The following OXR1 variants were observed in gnomAD, a reference collection of about 807,000 sequenced individuals.
OXR1 encodes oxidation resistance 1.
A neutral mutation model predicts 104.6 loss-of-function variants in OXR1; 41 were observed. The observed-to-expected ratio is 0.39, with a 90% CI of 0.31 to 0.51. OXR1 has a LOEUF of 0.51. OXR1 is among the 20% of genes least tolerant of loss of function. The pLI, the probability that OXR1 is intolerant of heterozygous loss-of-function variation, is 0.77. For missense variants in OXR1, 955 were observed against 1,031.9 expected, an observed-to-expected ratio of 0.93 and a Z score of 1.02; for synonymous variants, 348 against 348.4, an observed-to-expected ratio of 1.00 and a Z score of 0.01.
At chr8:106,454,656 C>T (rs1037231619) in intron 2 of OXR1, among the ~76,000 whole-genome samples, 4 of 151,886 alleles carry the variant, frequency 2.6e-5, no homozygotes, top group Non-Finnish European at 5.9e-5. Flanking sequence ...AACTAAAGTC[C>T]GTCTCAGAAT....
chr8:106,361,370 T>C (rs958401062), intron 2 of OXR1, among the ~76,000 whole-genome samples: 1 of 152,220 alleles, frequency 6.6e-6, no homozygotes, highest in African/African-American at 2.4e-5. Context: ...ATCAGCACTA[T>C]CCTCGATTCT....
intron 1 of OXR1, among the ~76,000 whole-genome samples, chr8:106,331,174 T>G (rs1814699354): frequency 6.6e-6 from 1 of 152,214 alleles, no homozygotes; most frequent in East Asian, 1.9e-4. Context: ...ACTTTATAAA[T>G]ATTTAGGTTC....
In OXR1 at chr8:106,506,430, G is replaced by A. The variant is rs545569728; in HGVS notation, c.24-12513G>A. Among the ~76,000 whole-genome samples, 22 of 152,216 alleles carry A rather than the reference G, an allele frequency of 1.4e-4. No homozygotes were observed. In the East Asian group the frequency reaches 1.9e-3, roughly 13 times the overall value. ...AGATCCAGACAATCCTGGCTAACATGGTGAAACCCCGTCTCTACTAAAAAT... is the reference window on the plus strand; with the variant it reads ...AGATCCAGACAATCCTGGCTAACATAGTGAAACCCCGTCTCTACTAAAAAT... On this transcript the variant is annotated intron_variant, in intron 2 of 16. Coordinates refer to ENST00000517566, the MANE Select transcript of OXR1 (RefSeq NM_001198533.2).
intron 2 of OXR1, among the ~76,000 whole-genome samples, chr8:106,472,447 A>G (rs1054571478): frequency 1.3e-5 from 2 of 151,804 alleles, no homozygotes; most frequent in African/African-American, 2.4e-5. Flanking sequence ...ACAAGGAAAT[A>G]TATGACATAA....
intron 10 of OXR1, among the ~76,000 whole-genome samples, chr8:106,713,014 G>A (rs1831855837): frequency 6.6e-6 from 1 of 151,898 alleles, no homozygotes; most frequent in Admixed American, 6.6e-5. Flanking sequence ...CTGCTGCATA[G>A]ATAGTGAGAA....
chr8:106,597,236 A>C (rs893868674), intron 3 of OXR1, among the ~76,000 whole-genome samples: 1 of 152,072 alleles, frequency 6.6e-6, no homozygotes, highest in Non-Finnish European at 1.5e-5. Context: ...TGATTAAGTC[A>C]TGGGGGCAGA....
At chr8:106,742,485 G>A (rs1388977097) in intron 15 of OXR1, 168 bp downstream of exon 15, 1 of 513,902 alleles carries the variant, frequency 1.9e-6, no homozygotes, top group African/African-American at 2.0e-5. Flanking sequence ...AGCCCAAATA[G>A]CCAAGAGAAT....
intron 11 of OXR1, among the ~76,000 whole-genome samples, chr8:106,721,385 T>C (rs1007611660): frequency 2.6e-5 from 4 of 152,300 alleles, no homozygotes; most frequent in Non-Finnish European, 5.9e-5. Context: ...AAATCAACTT[T>C]ACTTGATTTA....
chr8:106,719,347 A>G (rs1587229255), intron 11 of OXR1, among the ~76,000 whole-genome samples: 5 of 152,226 alleles, frequency 3.3e-5, no homozygotes, highest in Admixed American at 2.6e-4. Context: ...ATAAATATAC[A>G]AAAATAAAAG....
intron 3 of OXR1, among the ~76,000 whole-genome samples, chr8:106,554,777 T>C (rs1336316221): frequency 6.6e-6 from 1 of 152,180 alleles, no homozygotes; most frequent in African/African-American, 2.4e-5. Context: ...TAGTTGACCT[T>C]GGTTGTCCAT....
chr8:106,284,929 G>T (rs1812434472), intron 1 of OXR1, among the ~76,000 whole-genome samples: 1 of 152,036 alleles, frequency 6.6e-6, no homozygotes, highest in East Asian at 1.9e-4. Flanking sequence ...GAATTGAATT[G>T]ACTTGAAAAA....
intron 2 of OXR1, among the ~76,000 whole-genome samples, chr8:106,477,367 CAGG>C (rs771455527): frequency 1.3e-4 from 20 of 151,898 alleles, no homozygotes; most frequent in Non-Finnish European, 2.5e-4. Context: ...ACAATAACAA[CAGG>C]AGGTGGGTAC....
At chr8:106,582,023 CAAAAA>C (rs71307074) in intron 3 of OXR1, among the ~76,000 whole-genome samples, 1 of 69,566 alleles carries the variant, frequency 1.4e-5, no homozygotes, top group Non-Finnish European at 2.6e-5. Context: ...GACTCTGTCT[CAAAAA>C]AAAAAAAAAA....
At chr8:106,630,347 A>G (rs774735258) in intron 3 of OXR1, among the ~76,000 whole-genome samples, 2 of 152,228 alleles carry the variant, frequency 1.3e-5, no homozygotes, top group Admixed American at 6.5e-5. Context: ...TTCTTACAAC[A>G]TGGACTCTAA....
chr8:106,684,129 A>C (rs1447903273), intron 5 of OXR1, 117 bp from the exon 6 acceptor site: 1 of 595,616 alleles, frequency 1.7e-6, no homozygotes, highest in Non-Finnish European at 3.0e-6. Flanking sequence ...TTATAATTTG[A>C]AAATTTTTAT....
intron 2 of OXR1, among the ~76,000 whole-genome samples, chr8:106,417,017 A>G (rs898489775): frequency 3.9e-5 from 6 of 152,128 alleles, no homozygotes; most frequent in African/African-American, 1.2e-4. Context: ...GATGCATAAG[A>G]AGGAAGAATG....
intron 2 of OXR1, among the ~76,000 whole-genome samples, chr8:106,458,174 C>T (rs1820708332): frequency 6.6e-6 from 1 of 152,226 alleles, no homozygotes; most frequent in East Asian, 1.9e-4. Flanking sequence ...ACCCCAAAGG[C>T]ATTTCAAAGA....
intron 1 of OXR1, among the ~76,000 whole-genome samples, chr8:106,302,383 T>G (rs1374461426): frequency 6.6e-6 from 1 of 151,758 alleles, no homozygotes; most frequent in African/African-American, 2.4e-5. Context: ...GAGATCGAGA[T>G]CATCCTGGCT....
At chr8:106,711,954 A>G (rs1402554905) in intron 10 of OXR1, among the ~76,000 whole-genome samples, 6 of 152,162 alleles carry the variant, frequency 3.9e-5, no homozygotes, top group African/African-American at 1.4e-4. Context: ...TACACATAAA[A>G]AGTAAAATAT....
Sources: gnomAD v4.1 joint callset for allele counts (sites outside exome capture counted in the v4.1 genomes callset) on GRCh38, gnomAD v4.1.1 for gene constraint, MANE v1.5 for transcripts, NCBI Gene and HGNC (gene_info 2026-07-23, HGNC 2026-07-21) for gene names.